Variants in ADCY2 observed in about 807,000 individuals in gnomAD.
The protein encoded by ADCY2 is adenylate cyclase 2.
In ADCY2, 31 loss-of-function variants were observed where a neutral mutation model predicts 125.2. The ratio of observed to expected loss-of-function variants is 0.25; its 90% CI spans 0.19 to 0.33. ADCY2 has a LOEUF of 0.33. ADCY2 is among the 10% of genes least tolerant of loss of function. The probability of loss-of-function intolerance (pLI) is 1.00; values close to 1 mark genes in which losing one functional copy is unlikely to be tolerated. For missense variants in ADCY2, 904 were observed against 1,418.2 expected (o/e 0.64, Z 5.82); for synonymous variants, 512 against 548.4 (o/e 0.93, Z 0.93).
chr5:7,536,459 C>A (rs1325351641), intron 3 of ADCY2, among the ~76,000 whole-genome samples: 1 of 152,196 alleles, frequency 6.6e-6, no homozygotes, highest in African/African-American at 2.4e-5. Context: ...CCACATGCCC[C>A]AGAGTCGGTT....
chr5:7,610,144 G>A (rs1487225434), intron 3 of ADCY2, among the ~76,000 whole-genome samples: 2 of 152,190 alleles, frequency 1.3e-5, no homozygotes, highest in African/African-American at 2.4e-5. Context: ...AAAGATGTAG[G>A]CTAGAGGTAT....
intron 23 of ADCY2, 141 bp downstream of exon 23, chr5:7,817,121 G>A: frequency 3.0e-6 from 2 of 667,022 alleles, no homozygotes; most frequent in Admixed American, 2.8e-5. Context: ...GATGACAGAA[G>A]GAAGGACACT....
Position 7,520,635 on chromosome 5 carries a change from A to G in ADCY2, c.409-103A>G, listed in dbSNP as rs34639150. The G allele has an allele frequency of 2.6e-3, 3,236 of 1,255,990 alleles. 12 individuals are homozygous for G. The highest frequency in any genetic ancestry group is 3.3e-3 in the Non-Finnish European group (2,924 of 889,166). 77.8% of individuals were successfully genotyped at this position (1,255,990 alleles called of 1,614,324 possible). On this transcript the variant is annotated intron_variant, in intron 2 of 24. Coordinates refer to ENST00000338316, the MANE Select transcript of ADCY2 (RefSeq NM_020546.3). ...TCTATAGATTATTTCTAAAATGAGC[A>G]TGTCTCATGCTGTTCTATGCAGCCT... is the stretch of plus-strand genomic sequence containing the variant.
chr5:7,593,945 G>A (rs1257397313), intron 3 of ADCY2, among the ~76,000 whole-genome samples: 3 of 152,158 alleles, frequency 2.0e-5, no homozygotes, highest in African/African-American at 7.2e-5. Context: ...TGGGTTAAGA[G>A]AACTCTAGGT....
At chr5:7,642,452 A>T (rs914485062) in intron 4 of ADCY2, among the ~76,000 whole-genome samples, 1 of 152,086 alleles carries the variant, frequency 6.6e-6, no homozygotes, top group African/African-American at 2.4e-5. Flanking sequence ...GTTTGCAAAT[A>T]ATTTCTCCCA....
chr5:7,804,825 C>G (rs1447231547), intron 22 of ADCY2, 133 bp downstream of exon 22: 2 of 649,254 alleles, frequency 3.1e-6, no homozygotes, highest in Non-Finnish European at 5.4e-6. Context: ...GGTCAAGGTC[C>G]TATGAGAGAA....
intron 2 of ADCY2, among the ~76,000 whole-genome samples, chr5:7,494,604 G>A (rs1330145400): frequency 6.6e-6 from 1 of 152,114 alleles, no homozygotes; most frequent in Non-Finnish European, 1.5e-5. Flanking sequence ...GGCTCCTCCA[G>A]GCCTGGCAGA....
intron 3 of ADCY2, among the ~76,000 whole-genome samples, chr5:7,619,373 C>G (rs1737877867): frequency 6.6e-6 from 1 of 152,102 alleles, no homozygotes; most frequent in Non-Finnish European, 1.5e-5. Context: ...CAGAAATGGT[C>G]TGCAGAATAG....
chr5:7,487,084 T>C (rs535466624), intron 2 of ADCY2, among the ~76,000 whole-genome samples: 2 of 152,372 alleles, frequency 1.3e-5, no homozygotes, highest in African/African-American at 4.8e-5. Flanking sequence ...GATCTGTCTT[T>C]CAAGATGTCT....
At chr5:7,766,871 A>T in intron 17 of ADCY2, 65 bp downstream of exon 17, 1 of 1,539,860 alleles carries the variant, frequency 6.5e-7, no homozygotes, top group South Asian at 1.3e-5. Flanking sequence ...TGTATAACAT[A>T]TATCCTTTAG....
At chr5:7,574,524 C>T (rs535003468) in intron 3 of ADCY2, among the ~76,000 whole-genome samples, 315 of 152,280 alleles carry the variant, frequency 2.1e-3, no homozygotes, top group African/African-American at 7.1e-3. Context: ...CTCTGTCACA[C>T]GTACATATAA....
intron 1 of ADCY2, among the ~76,000 whole-genome samples, chr5:7,406,573 C>T (rs527899977): frequency 3.9e-5 from 6 of 152,294 alleles, no homozygotes; most frequent in East Asian, 1.9e-4. Flanking sequence ...AGATAGTCCC[C>T]TTTTCTTCTG....
At chr5:7,755,285 GA>G (rs1269113391) in intron 15 of ADCY2, among the ~76,000 whole-genome samples, 4 of 152,160 alleles carry the variant, frequency 2.6e-5, no homozygotes. Context: ...GAAATGAGAC[GA>G]GGGCGCAGGA....
intron 3 of ADCY2, among the ~76,000 whole-genome samples, chr5:7,589,295 C>G (rs1736735103): frequency 6.7e-6 from 1 of 148,260 alleles, no homozygotes; most frequent in Non-Finnish European, 1.5e-5. Flanking sequence ...CCAACAACAA[C>G]AAAAAATGAT....
At chr5:7,681,502 A>G (rs1740335595) in intron 4 of ADCY2, among the ~76,000 whole-genome samples, 2 of 152,192 alleles carry the variant, frequency 1.3e-5, no homozygotes, top group Non-Finnish European at 2.9e-5. Flanking sequence ...ACAGCAGAAA[A>G]TGTATGTGAC....
intron 2 of ADCY2, among the ~76,000 whole-genome samples, chr5:7,508,584 A>T (rs2126515617): frequency 6.6e-6 from 1 of 152,262 alleles, no homozygotes; most frequent in African/African-American, 2.4e-5. Flanking sequence ...GAGGCTTCTA[A>T]AAGCCCCAGT....
chr5:7,571,907 G>A (rs780112603), intron 3 of ADCY2, among the ~76,000 whole-genome samples: 8 of 152,068 alleles, frequency 5.3e-5, no homozygotes, highest in Admixed American at 1.3e-4. Flanking sequence ...TTCTGTTTTT[G>A]CATTAGTTTG....
intron 2 of ADCY2, among the ~76,000 whole-genome samples, chr5:7,510,004 A>G (rs894086360): frequency 6.6e-6 from 1 of 152,230 alleles, no homozygotes; most frequent in African/African-American, 2.4e-5. Context: ...TTCTGAAACA[A>G]GAGCTCTCCG....
At chr5:7,554,091 G>A (rs1735431746) in intron 3 of ADCY2, among the ~76,000 whole-genome samples, 1 of 152,098 alleles carries the variant, frequency 6.6e-6, no homozygotes, top group Non-Finnish European at 1.5e-5. Flanking sequence ...GGAGAAAAAG[G>A]GCAGGTTTAA....
Sources: gnomAD v4.1 joint callset for allele counts (sites outside exome capture counted in the v4.1 genomes callset) on GRCh38, gnomAD v4.1.1 for gene constraint, MANE v1.5 for transcripts, NCBI Gene and HGNC (gene_info 2026-07-23, HGNC 2026-07-21) for gene names.